Variants in RNF144A observed in about 807,000 individuals in gnomAD.
RNF144A encodes E3 ubiquitin-protein ligase RNF144A.
Under a neutral mutation model 38.7 loss-of-function variants are expected in RNF144A, and 11 were observed. The observed-to-expected ratio is 0.28, with a 90% confidence interval of 0.18 to 0.47. RNF144A has a LOEUF of 0.47. Among genes scored for constraint, RNF144A ranks in the 20% least tolerant of loss-of-function variants. RNF144A has a pLI of 0.99. For synonymous variants in RNF144A, 149 were observed against 143.9 expected, an observed-to-expected ratio of 1.04 and a Z score of -0.25; for missense variants, 316 against 377.2, an observed-to-expected ratio of 0.84 and a Z score of 1.34.
intron 2 of RNF144A, among the ~76,000 whole-genome samples, chr2:6,977,661 A>C (rs1668396280): frequency 6.6e-6 from 1 of 152,228 alleles, no homozygotes; most frequent in African/African-American, 2.4e-5. Flanking sequence ...GCTTTCTCCC[A>C]GGCAGCGAGC....
chr2:6,959,194 T>C (rs554349993), intron 2 of RNF144A, among the ~76,000 whole-genome samples: 1 of 152,220 alleles, frequency 6.6e-6, no homozygotes, highest in East Asian at 1.9e-4. Context: ...TGTCTGCAAC[T>C]CCAGGGAGTT....
chr2:7,061,450 A>G (rs2103479514), intron 6 of RNF144A, among the ~76,000 whole-genome samples: 1 of 152,350 alleles, frequency 6.6e-6, no homozygotes, highest in South Asian at 2.1e-4. Flanking sequence ...GGGAAAATGG[A>G]GGAGCCAAGT....
At chr2:6,933,060 T>C (rs575684265) in intron 1 of RNF144A, 8 of 152,382 alleles carry the variant, frequency 5.2e-5, no homozygotes, top group Non-Finnish European at 7.3e-5. Context: ...CCTCCACTTA[T>C]AGCGGCTGCA....
At chr2:7,028,238 T>C (rs1003500804) in intron 7 of RNF144A, among the ~76,000 whole-genome samples, 2 of 152,138 alleles carry the variant, frequency 1.3e-5, no homozygotes, top group African/African-American at 4.8e-5. Flanking sequence ...ACCAAAGACC[T>C]GGGCACGATG....
chr2:6,992,856 G>A (rs576900915), intron 2 of RNF144A, among the ~76,000 whole-genome samples: 1 of 152,096 alleles, frequency 6.6e-6, no homozygotes, highest in Non-Finnish European at 1.5e-5. Context: ...TCCTTTGCAC[G>A]GTCTCAGTCA....
At chr2:7,029,923 T>G (rs750651103) in intron 7 of RNF144A, among the ~76,000 whole-genome samples, 1 of 152,196 alleles carries the variant, frequency 6.6e-6, no homozygotes, top group African/African-American at 2.4e-5. Context: ...TGCTAGGTGA[T>G]GAAGGGAGGC....
chr2:6,930,425 A>T (rs1281980270), intron 1 of RNF144A, among the ~76,000 whole-genome samples: 1 of 151,918 alleles, frequency 6.6e-6, no homozygotes, highest in African/African-American at 2.4e-5. Context: ...TAGTTTTGTA[A>T]AAAATTAATT....
rs931071271 is a variant in RNF144A, at chr2:6,917,454, CGCGCGGGCTCTCG to C, written c.-377_-365del. The C allele has an allele frequency of 6.1e-5, 9 of 146,978 alleles. No homozygotes were observed. The allele number at this position is 146,978 out of a possible 1,614,324, so 9.1% of individuals were successfully genotyped here. ...CCCCGCCCGCGCAGCCGCTTCTCCCCGCGCGGGCTCTCGGCAGGCGGGAGGCGGCAGGGCTGGC... is the reference window on the plus strand; with the variant it reads ...CCCCGCCCGCGCAGCCGCTTCTCCCCGCAGGCGGGAGGCGGCAGGGCTGGC... On this transcript the variant is annotated 5_prime_UTR_variant, in exon 1 of 9. Coordinates refer to ENST00000320892, the MANE Select transcript of RNF144A (RefSeq NM_014746.6). This position sits in a 1 kb window ranked among gnomAD's most constrained non-coding sequence, Gnocchi z 4.8.
At chr2:7,014,009 C>G (rs1210113054) in intron 3 of RNF144A, among the ~76,000 whole-genome samples, 1 of 152,206 alleles carries the variant, frequency 6.6e-6, no homozygotes, top group East Asian at 1.9e-4. Context: ...ACTCAGTTTT[C>G]ACATATGAAA....
At position 7,014,732 on chromosome 2, in the gene RNF144A, T is replaced by C. The variant is rs771468149; in HGVS notation, c.261T>C (p.Ala87=). The change falls in exon 5 of 9, where the codon GCT becomes GCC. Residue 87 remains alanine, a synonymous_variant. Coordinates refer to ENST00000320892, the MANE Select transcript of RNF144A (RefSeq NM_014746.6). ...CTTAGATTGAGTGCATGGTTGCAGC[T>C]GAAATTATGCAAAGATATAAAAAGC... ...QENEIECMVA[A]EIMQRYKKLQ... is the part of the protein sequence containing the mutation. The C allele has an allele frequency of 1.2e-6, 2 of 1,613,440 alleles. No individual in the cohort carries two copies. The highest frequency in any genetic ancestry group is 1.7e-6 in the Non-Finnish European group (2 of 1,179,372).
intron 8 of RNF144A, among the ~76,000 whole-genome samples, chr2:7,033,071 C>A (rs1482948173): frequency 6.6e-6 from 1 of 152,246 alleles, no homozygotes; most frequent in East Asian, 1.9e-4. Flanking sequence ...CCAACTCTGG[C>A]AGTTTCCCTG....
At chr2:7,062,664 A>G (rs1289349934) in intron 6 of RNF144A, 1 of 152,234 alleles carries the variant, frequency 6.6e-6, no homozygotes, top group Admixed American at 6.5e-5. Context: ...TTTGCTCACC[A>G]CTGATACTGG....
intron 5 of RNF144A, 99 bp from the exon 6 acceptor site, chr2:7,020,374 A>G (rs990890398): frequency 1.9e-5 from 20 of 1,035,252 alleles, no homozygotes; most frequent in Non-Finnish European, 2.6e-5. Context: ...TTACCTGGAC[A>G]TGTTCCTCCC....
intron 8 of RNF144A, among the ~76,000 whole-genome samples, chr2:7,037,798 G>T (rs753730563): frequency 2.0e-5 from 3 of 152,232 alleles, no homozygotes; most frequent in Non-Finnish European, 4.4e-5. Context: ...GGCCCGTAAA[G>T]ATCTTTTACT....
chr2:7,001,339 A>C (rs1197420779), intron 3 of RNF144A, among the ~76,000 whole-genome samples: 1 of 151,412 alleles, frequency 6.6e-6, no homozygotes, highest in Non-Finnish European at 1.5e-5. Context: ...ACTCCATCTC[A>C]ATAAATAAAA....
chr2:7,018,634 A>C (rs1465255817), intron 5 of RNF144A, among the ~76,000 whole-genome samples: 2 of 152,234 alleles, frequency 1.3e-5, no homozygotes, highest in African/African-American at 4.8e-5. Flanking sequence ...TCAAAAAGCC[A>C]TTTTGTCAGA....
chr2:6,986,764 G>A (rs535537014), intron 2 of RNF144A, among the ~76,000 whole-genome samples: 60 of 152,232 alleles, frequency 3.9e-4, no homozygotes, highest in African/African-American at 1.4e-3. Flanking sequence ...CATTAAGGGT[G>A]GTTCATTATC....
intron 3 of RNF144A, among the ~76,000 whole-genome samples, chr2:7,008,464 C>T (rs309313): frequency 0.24 from 37,152 of 152,068 alleles, 5,677 homozygotes; most frequent in Non-Finnish European, 0.35. Flanking sequence ...CTTCCTGCCC[C>T]GAGTGGGTTC....
chr2:7,075,307 C>A, the RNF144A span, among the ~76,000 whole-genome samples: 1 of 147,152 alleles, frequency 6.8e-6, no homozygotes, highest in Admixed American at 6.7e-5. Context: ...GTGTTCTCTT[C>A]TCATGGGCCA....
Sources: gnomAD v4.1 joint callset for allele counts (sites outside exome capture counted in the v4.1 genomes callset) on GRCh38, gnomAD v4.1.1 for gene constraint, Gnocchi (gnomAD v3.1) non-coding constraint, MANE v1.5 for transcripts, NCBI Gene and HGNC (gene_info 2026-07-23, HGNC 2026-07-21) for gene names.